Variants in ARHGAP8 observed in about 807,000 individuals in gnomAD.
ARHGAP8 encodes Rho GTPase activating protein 8, also known as rho GTPase-activating protein 8.
In ARHGAP8, 62 loss-of-function variants were observed where a neutral mutation model predicts 46.1. That is an observed-to-expected ratio of 1.34 (90% confidence interval 1.10 to 1.66). ARHGAP8 has a LOEUF of 1.66. Among genes scored for constraint, ARHGAP8 ranks in the 40% most tolerant of loss-of-function variants. The probability of loss-of-function intolerance (pLI) is 0.00; values close to 1 mark genes in which losing one functional copy is unlikely to be tolerated. For missense variants in ARHGAP8, 923 were observed against 568.4 expected (o/e 1.62, Z -6.34); for synonymous variants, 375 against 243.1 (o/e 1.54, Z -5.05).
chr22:44,858,894 A>C (rs984722425), intron 10 of ARHGAP8, among the ~76,000 whole-genome samples: 2 of 151,712 alleles, frequency 1.3e-5, no homozygotes, highest in African/African-American at 4.9e-5. Context: ...AAGGCCAGAT[A>C]GTAAATATGT....
At chr22:44,786,420 A>T (rs751465257) in intron 1 of ARHGAP8, 37 bp from the exon 2 acceptor site, 1 of 1,552,524 alleles carries the variant, frequency 6.4e-7, no homozygotes, top group South Asian at 1.2e-5. Flanking sequence ...GCCTTACTGG[A>T]GAATGCACTG....
At chr22:44,806,379 G>T (rs1371264380) in intron 3 of ARHGAP8, among the ~76,000 whole-genome samples, 1 of 152,210 alleles carries the variant, frequency 6.6e-6, no homozygotes, top group Admixed American at 6.5e-5. Flanking sequence ...AGATGTGCGT[G>T]ATTTCTCTAC....
intron 1 of ARHGAP8, among the ~76,000 whole-genome samples, chr22:44,781,319 T>G (rs772928974): frequency 6.6e-6 from 1 of 152,132 alleles, no homozygotes; most frequent in African/African-American, 2.4e-5. Context: ...CTTGCAGCGA[T>G]AGGAACCCAT....
Position 44,862,413 on chromosome 22 carries a change from A to C in ARHGAP8, c.1120A>C (p.Ile374Leu), listed in dbSNP as rs771964239. 1.9e-6 allele frequency: 3 copies of C among 1,614,102 alleles called. No homozygotes were observed. The highest frequency in any genetic ancestry group is 2.5e-6 in the Non-Finnish European group (3 of 1,179,988). The stretch of plus-strand genomic sequence containing the variant: ...CCTGAACATGTTCACTGAACTGCTG[A>C]TCGAGTACTATGAAAAGATCTTCAG... ...VPLNMFTELL[I>L]EYYEKIFSTP... Residue 374 changes from isoleucine to leucine, a missense_variant, in exon 12 of 12, where the codon ATC becomes CTC. Physicochemically the swap from Ile to Leu is conservative, Grantham distance 5. Transcript: ENST00000356099.
At chr22:44,827,343 T>TTTTTG (rs1930602452) in intron 7 of ARHGAP8, among the ~76,000 whole-genome samples, 1 of 115,012 alleles carries the variant, frequency 8.7e-6, no homozygotes, top group African/African-American at 3.8e-5. Context: ...GTGGTTTTTT[T>TTTTTG]TTTTTTTTTT....
chr22:44,855,869 T>A (rs1365463765), intron 10 of ARHGAP8, among the ~76,000 whole-genome samples: 1 of 152,118 alleles, frequency 6.6e-6, no homozygotes, highest in Non-Finnish European at 1.5e-5. Context: ...TATAAAGAAG[T>A]TTAATTGGCT....
chr22:44,771,844 C>T (rs1429907050), intron 1 of ARHGAP8, among the ~76,000 whole-genome samples: 2 of 152,238 alleles, frequency 1.3e-5, no homozygotes, highest in East Asian at 1.9e-4. Flanking sequence ...CATGAGCCAC[C>T]ACGCCTGGCC....
At chr22:44,860,227 C>G (rs922154271) in intron 11 of ARHGAP8, among the ~76,000 whole-genome samples, 3 of 152,042 alleles carry the variant, frequency 2.0e-5, no homozygotes, top group Non-Finnish European at 4.4e-5. Flanking sequence ...AGGGATACAC[C>G]CAGAACCACG....
At chr22:44,786,090 T>C (rs897269515) in intron 1 of ARHGAP8, 1 of 335,578 alleles carries the variant, frequency 3.0e-6, no homozygotes, top group Non-Finnish European at 5.6e-6. Flanking sequence ...GGGCACTTGG[T>C]GTACAACCGA....
chr22:44,781,389 G>A (rs543227225), intron 1 of ARHGAP8, among the ~76,000 whole-genome samples: 12 of 152,328 alleles, frequency 7.9e-5, no homozygotes, highest in African/African-American at 2.9e-4. Flanking sequence ...ATTGCAGTAT[G>A]AGGTTCAAGT....
intron 11 of ARHGAP8, among the ~76,000 whole-genome samples, chr22:44,860,250 C>T (rs13340084): frequency 0.026 from 3,913 of 152,196 alleles, 157 homozygotes; most frequent in African/African-American, 0.08. Context: ...CATTAAGTTC[C>T]TGTGACTGCA....
chr22:44,786,262 G>T (rs889972178), intron 1 of ARHGAP8, among the ~76,000 whole-genome samples, 195 bp from the exon 2 acceptor site: 8 of 151,570 alleles, frequency 5.3e-5, no homozygotes, highest in Admixed American at 1.3e-4. Context: ...GCGCGTACTG[G>T]GTGCTCGGCT....
At chr22:44,860,521 G>T (rs1014353512) in intron 11 of ARHGAP8, among the ~76,000 whole-genome samples, 2 of 131,288 alleles carry the variant, frequency 1.5e-5, no homozygotes, top group Non-Finnish European at 3.3e-5. Context: ...CCACCCAGAT[G>T]ACGCGGGATG....
chr22:44,754,608 G>T (rs1302233039), intron 1 of ARHGAP8, among the ~76,000 whole-genome samples: 1 of 151,998 alleles, frequency 6.6e-6, no homozygotes, highest in African/African-American at 2.4e-5. Context: ...TGTCTGCCTT[G>T]GCCTTCCAAA....
intron 7 of ARHGAP8, among the ~76,000 whole-genome samples, chr22:44,838,453 T>C (rs1165621329): frequency 6.6e-6 from 1 of 152,014 alleles, no homozygotes; most frequent in Admixed American, 6.5e-5. Flanking sequence ...TTGCATTTGG[T>C]AGTAGAAACA....
chr22:44,770,190 G>C (rs1319835542), intron 1 of ARHGAP8, among the ~76,000 whole-genome samples: 2 of 152,086 alleles, frequency 1.3e-5, no homozygotes, highest in East Asian at 3.9e-4. Context: ...GTTACCGTGA[G>C]CCAAGATCAT....
At chr22:44,847,289 C>T (rs2069981512) in intron 8 of ARHGAP8, among the ~76,000 whole-genome samples, 1 of 152,190 alleles carries the variant, frequency 6.6e-6, no homozygotes, top group Non-Finnish European at 1.5e-5. Context: ...TGAAAATGCT[C>T]TTTATAAACT....
At chr22:44,821,575 G>A (rs908201090) in intron 5 of ARHGAP8, among the ~76,000 whole-genome samples, 19 of 152,178 alleles carry the variant, frequency 1.2e-4, no homozygotes, top group Admixed American at 9.8e-4. Context: ...TTATAAAGGC[G>A]TGCTCGCATC....
intron 10 of ARHGAP8, among the ~76,000 whole-genome samples, chr22:44,854,436 T>A (rs1321140841): frequency 1.3e-5 from 2 of 151,910 alleles, no homozygotes; most frequent in African/African-American, 4.8e-5. Flanking sequence ...CTTCACCATG[T>A]TGCCCAGGCT....
Sources: allele counts gnomAD v4.1 joint callset (sites outside exome capture counted in the v4.1 genomes callset), GRCh38; gene constraint gnomAD v4.1.1; transcripts MANE v1.5; gene names NCBI Gene and HGNC (gene_info 2026-07-23, HGNC 2026-07-21).